The following MAGI2 variants were observed in gnomAD, a reference collection of about 807,000 sequenced individuals.
MAGI2 encodes the protein membrane associated guanylate kinase, WW and PDZ domain containing 2, also known as membrane-associated guanylate kinase, WW and PDZ domain-containing protein 2.
MAGI2 carries 35 observed loss-of-function variants against 133.3 expected under a neutral mutation model. The observed-to-expected ratio is 0.26, with a 90% confidence interval of 0.20 to 0.35. The LOEUF (loss-of-function observed/expected upper bound fraction) is 0.35, where lower values mean the gene tolerates loss of function less well. Ranked by LOEUF, MAGI2 falls within the 10% of genes least tolerant of loss-of-function variation. The pLI is 1.00. For synonymous variants in MAGI2, 729 were observed against 710.6 expected (o/e 1.03, Z -0.41); for missense variants, 1,636 against 1,863.4 (o/e 0.88, Z 2.25).
intron 2 of MAGI2, among the ~76,000 whole-genome samples, chr7:78,704,562 T>C (rs1002816663): frequency 2.6e-5 from 4 of 152,100 alleles, no homozygotes; most frequent in African/African-American, 7.2e-5. Context: ...AATCCCGTTA[T>C]TGGGTAAATA....
At chr7:78,645,588 A>C (rs1322454263) in intron 2 of MAGI2, among the ~76,000 whole-genome samples, 3 of 151,888 alleles carry the variant, frequency 2.0e-5, no homozygotes, top group Non-Finnish European at 2.9e-5. Context: ...AGAAAATCCA[A>C]CATCTAATCC....
chr7:78,705,531 C>T (rs1585142790), intron 2 of MAGI2, among the ~76,000 whole-genome samples: 1 of 152,218 alleles, frequency 6.6e-6, no homozygotes, highest in East Asian at 1.9e-4. Context: ...CACTGATTTT[C>T]TCCTTATTAA....
At chr7:78,419,327 G>A (rs1335369485) in intron 6 of MAGI2, among the ~76,000 whole-genome samples, 1 of 152,088 alleles carries the variant, frequency 6.6e-6, no homozygotes, top group African/African-American at 2.4e-5. Context: ...GGGCAAGCCT[G>A]CGTTTTATAA....
chr7:78,569,487 A>T (rs1801286884), intron 3 of MAGI2, among the ~76,000 whole-genome samples: 1 of 152,212 alleles, frequency 6.6e-6, no homozygotes, highest in African/African-American at 2.4e-5. Context: ...ATATCTAGGC[A>T]TATGGAAACT....
At chr7:78,493,629 GT>G (rs35748485) in intron 5 of MAGI2, among the ~76,000 whole-genome samples, 1 of 150,966 alleles carries the variant, frequency 6.6e-6, no homozygotes, top group African/African-American at 2.4e-5. Context: ...CAGGTACAAG[GT>G]TTTTTTTTAG....
intron 16 of MAGI2, among the ~76,000 whole-genome samples, chr7:78,145,094 G>C (rs1823166335): frequency 6.6e-6 from 1 of 152,108 alleles, no homozygotes; most frequent in African/African-American, 2.4e-5. Flanking sequence ...CTTAGTGTTT[G>C]AAAATACATT....
At chr7:78,534,515 C>A (rs1797723086) in intron 3 of MAGI2, among the ~76,000 whole-genome samples, 1 of 152,112 alleles carries the variant, frequency 6.6e-6, no homozygotes, top group Admixed American at 6.5e-5. Context: ...AGTTGCTTGC[C>A]AAATCTAAAA....
At chr7:78,770,244 TTAATTA>T (rs1825444795) in intron 2 of MAGI2, among the ~76,000 whole-genome samples, 1 of 152,206 alleles carries the variant, frequency 6.6e-6, no homozygotes, top group Non-Finnish European at 1.5e-5. Flanking sequence ...TAAACCTATT[TTAATTA>T]TAACACATTG....
intron 1 of MAGI2, among the ~76,000 whole-genome samples, chr7:79,164,096 C>T (rs1412209744): frequency 6.6e-6 from 1 of 151,968 alleles, no homozygotes; most frequent in African/African-American, 2.4e-5. Flanking sequence ...CACCCTGAGA[C>T]CTGCTGCTGT....
At chr7:79,044,802 G>A (rs1812013804) in intron 1 of MAGI2, among the ~76,000 whole-genome samples, 1 of 152,166 alleles carries the variant, frequency 6.6e-6, no homozygotes, top group Non-Finnish European at 1.5e-5. Flanking sequence ...GCAAAATCAA[G>A]AATGCAATCA....
intron 1 of MAGI2, among the ~76,000 whole-genome samples, chr7:79,089,138 G>A (rs1238191861): frequency 2.0e-5 from 3 of 152,040 alleles, no homozygotes; most frequent in Non-Finnish European, 4.4e-5. Flanking sequence ...AAAAAAATGG[G>A]CAAAGGATAT....
intron 9 of MAGI2, among the ~76,000 whole-genome samples, chr7:78,312,500 A>G (rs1032130744): frequency 5.9e-5 from 9 of 152,126 alleles, no homozygotes; most frequent in African/African-American, 2.2e-4. Context: ...TAATATCCAG[A>G]ATCTACAAGG....
At chr7:78,734,986 A>G (rs530824964) in intron 2 of MAGI2, among the ~76,000 whole-genome samples, 1 of 152,336 alleles carries the variant, frequency 6.6e-6, no homozygotes, top group East Asian at 1.9e-4. Flanking sequence ...TAACTGATAC[A>G]TAACTTTTCT....
At chr7:78,599,791 G>C (rs1428227348) in intron 3 of MAGI2, among the ~76,000 whole-genome samples, 1 of 152,170 alleles carries the variant, frequency 6.6e-6, no homozygotes, top group African/African-American at 2.4e-5. Context: ...CTAGGGACGT[G>C]CCCAGAATGG....
At chr7:79,187,640 G>A (rs1827283051) in intron 1 of MAGI2, among the ~76,000 whole-genome samples, 1 of 151,792 alleles carries the variant, frequency 6.6e-6, no homozygotes, top group South Asian at 2.1e-4. Flanking sequence ...GATCTGAATT[G>A]TTTTTACTTG....
intron 3 of MAGI2, among the ~76,000 whole-genome samples, chr7:78,626,666 C>G (rs1469409182): frequency 2.0e-5 from 3 of 151,860 alleles, no homozygotes; most frequent in Non-Finnish European, 4.4e-5. Flanking sequence ...TAGGAGGAAA[C>G]TGAAGGCCAG....
intron 6 of MAGI2, among the ~76,000 whole-genome samples, chr7:78,398,445 C>T (rs1796559471): frequency 1.3e-5 from 2 of 152,124 alleles, no homozygotes; most frequent in Non-Finnish European, 2.9e-5. Context: ...TCTGTAATAT[C>T]TTGGTGACCA....
intron 2 of MAGI2, among the ~76,000 whole-genome samples, chr7:78,801,811 T>A (rs1240700193): frequency 4.6e-5 from 7 of 152,148 alleles, no homozygotes; most frequent in Non-Finnish European, 5.9e-5. Context: ...CATTTATTAC[T>A]CACCATCTTA....
intron 10 of MAGI2, among the ~76,000 whole-genome samples, chr7:78,242,449 G>A (rs1354492002): frequency 6.6e-6 from 1 of 152,072 alleles, no homozygotes; most frequent in African/African-American, 2.4e-5. Flanking sequence ...ACTTCATGGT[G>A]TATTTGTTAA....
Sources: allele counts gnomAD v4.1 joint callset (sites outside exome capture counted in the v4.1 genomes callset), GRCh38; gene constraint gnomAD v4.1.1; transcripts MANE v1.5; gene names NCBI Gene and HGNC (gene_info 2026-07-23, HGNC 2026-07-21).